Variants in RABGAP1L observed in about 807,000 individuals in gnomAD.
RABGAP1L encodes the protein RAB GTPase activating protein 1 like, also known as rab GTPase-activating protein 1-like.
A neutral mutation model predicts 137.7 loss-of-function variants in RABGAP1L; 63 were observed. The observed-to-expected ratio is 0.46, with a 90% CI of 0.37 to 0.56. The LOEUF is 0.56. Among genes scored for constraint, RABGAP1L ranks in the 20% least tolerant of loss-of-function variants. The probability of loss-of-function intolerance (pLI) is 0.00; values close to 1 mark genes in which losing one functional copy is unlikely to be tolerated. For synonymous variants in RABGAP1L, 431 were observed against 433.7 expected (o/e 0.99, Z 0.08); for missense variants, 1,095 against 1,244.0 (o/e 0.88, Z 1.80).
At chr1:174,898,862 A>C (rs1232179940) in intron 19 of RABGAP1L, among the ~76,000 whole-genome samples, 2 of 152,252 alleles carry the variant, frequency 1.3e-5, no homozygotes. Context: ...GAGCAAAGCA[A>C]ATGCCATTCC....
intron 4 of RABGAP1L, among the ~76,000 whole-genome samples, chr1:174,240,502 C>T (rs1487644800): frequency 6.6e-6 from 1 of 152,214 alleles, no homozygotes; most frequent in Non-Finnish European, 1.5e-5. Context: ...CCCATCTCGA[C>T]CTCCTAAAGT....
intron 24 of RABGAP1L, among the ~76,000 whole-genome samples, chr1:174,986,795 TTC>T (rs1166370724): frequency 3.3e-5 from 5 of 152,234 alleles, no homozygotes; most frequent in African/African-American, 9.6e-5. Context: ...CATGGTGGTG[TTC>T]TCTTTGCTGA....
intron 15 of RABGAP1L, among the ~76,000 whole-genome samples, chr1:174,697,053 G>A (rs919378869): frequency 3.3e-5 from 5 of 152,108 alleles, no homozygotes; most frequent in Non-Finnish European, 7.4e-5. Flanking sequence ...AAGTAGAGTT[G>A]CCTGTTTACT....
chr1:174,635,372 A>G (rs924602696), intron 13 of RABGAP1L, among the ~76,000 whole-genome samples: 2 of 152,212 alleles, frequency 1.3e-5, no homozygotes, highest in African/African-American at 4.8e-5. Context: ...AGTGGAAACT[A>G]TTAACTTATC....
chr1:174,506,952 A>T (rs1661871234), intron 13 of RABGAP1L, among the ~76,000 whole-genome samples: 1 of 152,148 alleles, frequency 6.6e-6, no homozygotes, highest in African/African-American at 2.4e-5. Context: ...CTACAAAAAA[A>T]ATACAAAAAT....
intron 11 of RABGAP1L, among the ~76,000 whole-genome samples, chr1:174,336,085 A>G (rs1376311021): frequency 6.6e-6 from 1 of 152,126 alleles, no homozygotes; most frequent in Non-Finnish European, 1.5e-5. Context: ...CTGAGTTGTC[A>G]TAGCTTTTAC....
Position 174,221,065 on chromosome 1 carries a change from C to CA in RABGAP1L, c.235dup (p.Ser79LysfsTer4). On this transcript the variant is annotated frameshift_variant, in exon 3 of 26. Transcript: ENST00000681986. LOFTEE classifies it high-confidence loss of function. ...GCCAAGCAGTCTTCTTGTTGATTGT[C>CA]AAAGTTCCAGTGAGATTTCAGACCA... 2.5e-6 allele frequency: 4 copies of CA among 1,613,900 alleles called. No homozygotes were observed. Among genetic ancestry groups the CA allele is most frequent in the Non-Finnish European group, 3.4e-6 (4 of 1,179,916 alleles).
intron 10 of RABGAP1L, among the ~76,000 whole-genome samples, chr1:174,300,529 CA>C (rs34220318): frequency 0.029 from 2,430 of 84,194 alleles, 21 homozygotes; most frequent in Admixed American, 0.045. Flanking sequence ...AACTCCATCT[CA>C]AAAAAAAAAA....
At position 174,993,024 on chromosome 1, in the gene RABGAP1L, A is replaced by G. The variant is rs1198018863; in HGVS notation, c.*3023A>G. 6.6e-6 allele frequency: 1 copy of G among 152,254 alleles called. No individual in the cohort carries two copies. The highest frequency in any genetic ancestry group is 1.5e-5 in the Non-Finnish European group (1 of 68,040). 9.4% of individuals were successfully genotyped at this position (152,254 alleles called of 1,614,324 possible). A position where few individuals can be genotyped will look rare whatever the true frequency, so the allele number is the denominator to read the frequency against. On this transcript the variant is annotated 3_prime_UTR_variant, in exon 26 of 26. Coordinates refer to ENST00000681986, the MANE Select transcript of RABGAP1L (RefSeq NM_001366446.1). ...AAATTCTGTGGAAAAAATTAAATGA[A>G]TGAAATTCAACTTCATAATTCAGTT... is the stretch of plus-strand genomic sequence containing the variant.
At chr1:174,577,378 T>C (rs1052435887) in intron 13 of RABGAP1L, among the ~76,000 whole-genome samples, 1 of 151,798 alleles carries the variant, frequency 6.6e-6, no homozygotes, top group Non-Finnish European at 1.5e-5. Context: ...AGAATTTCCA[T>C]ACATTTTTGG....
chr1:174,442,988 G>T (rs1654329145), intron 13 of RABGAP1L, among the ~76,000 whole-genome samples: 1 of 151,994 alleles, frequency 6.6e-6, no homozygotes, highest in African/African-American at 2.4e-5. Context: ...TCTGTGCCTG[G>T]TTTATTTCAC....
chr1:174,944,253 G>A (rs1254121636), intron 19 of RABGAP1L, among the ~76,000 whole-genome samples: 2 of 144,280 alleles, frequency 1.4e-5, no homozygotes, highest in Non-Finnish European at 3.0e-5. Context: ...TTCCAGCCTG[G>A]GCAACAGAAC....
chr1:174,736,886 T>C (rs1482270107), intron 17 of RABGAP1L, among the ~76,000 whole-genome samples: 1 of 152,162 alleles, frequency 6.6e-6, no homozygotes, highest in Non-Finnish European at 1.5e-5. Context: ...TGGGAAGCAA[T>C]GTTCTGAGAC....
chr1:174,604,049 T>G (rs1308822285), intron 13 of RABGAP1L, among the ~76,000 whole-genome samples: 1 of 151,992 alleles, frequency 6.6e-6, no homozygotes, highest in Non-Finnish European at 1.5e-5. Context: ...TGGGCTGGCC[T>G]AGCTGGTGTC....
At chr1:174,757,201 A>G (rs1218837073) in intron 18 of RABGAP1L, 1 of 277,886 alleles carries the variant, frequency 3.6e-6, no homozygotes, top group Non-Finnish European at 7.4e-6. Context: ...ACCTCAAGCC[A>G]CTAGAACTTT....
At chr1:174,435,004 T>C (rs1187811249) in intron 13 of RABGAP1L, among the ~76,000 whole-genome samples, 2 of 152,212 alleles carry the variant, frequency 1.3e-5, no homozygotes, top group East Asian at 3.8e-4. Context: ...TAGTTATTGC[T>C]TCCAGTATCC....
At chr1:174,711,756 T>C (rs1242128947) in intron 17 of RABGAP1L, among the ~76,000 whole-genome samples, 1 of 152,200 alleles carries the variant, frequency 6.6e-6, no homozygotes, top group East Asian at 1.9e-4. Flanking sequence ...GGGGGCCTGG[T>C]CACACCAACC....
intron 11 of RABGAP1L, among the ~76,000 whole-genome samples, chr1:174,307,629 A>C (rs754447075): frequency 6.6e-6 from 1 of 152,204 alleles, no homozygotes; most frequent in Admixed American, 6.5e-5. Flanking sequence ...CTACATTGAT[A>C]CATGATATAG....
chr1:174,285,585 A>G (rs939813743), intron 10 of RABGAP1L, among the ~76,000 whole-genome samples: 2 of 151,930 alleles, frequency 1.3e-5, no homozygotes, highest in South Asian at 2.1e-4. Context: ...TCTACAAACA[A>G]TTTAACTTTT....
Sources: gnomAD v4.1 joint callset for allele counts (sites outside exome capture counted in the v4.1 genomes callset) on GRCh38, gnomAD v4.1.1 for gene constraint, MANE v1.5 for transcripts, NCBI Gene and HGNC (gene_info 2026-07-23, HGNC 2026-07-21) for gene names.